The following RREB1 variants were observed in gnomAD, a reference collection of about 807,000 sequenced individuals.
RREB1 encodes ras-responsive element-binding protein 1.
Under a neutral mutation model 117.8 loss-of-function variants are expected in RREB1, and 27 were observed. That is an observed-to-expected ratio of 0.23 (90% CI 0.17 to 0.32). The LOEUF (loss-of-function observed/expected upper bound fraction) is 0.32, where lower values mean the gene tolerates loss of function less well. Ranked by LOEUF, RREB1 falls within the 10% of genes least tolerant of loss-of-function variation. The pLI is 1.00. For missense variants in RREB1, 2,577 were observed against 2,378.2 expected (o/e 1.08, Z -1.74); for synonymous variants, 1,298 against 1,026.7 (o/e 1.26, Z -5.05).
chr6:7,133,140 G>A (rs933744502), intron 1 of RREB1, among the ~76,000 whole-genome samples: 1 of 152,154 alleles, frequency 6.6e-6, no homozygotes, highest in African/African-American at 2.4e-5. Flanking sequence ...CCTCAGGGAA[G>A]CATGGTTCGT....
chr6:7,173,200 C>T (rs1764310293), intron 1 of RREB1, among the ~76,000 whole-genome samples: 1 of 152,210 alleles, frequency 6.6e-6, no homozygotes, highest in African/African-American at 2.4e-5. Flanking sequence ...CTACCATCAT[C>T]CTAGGCATCT....
At chr6:7,140,492 T>A (rs1171159689) in intron 1 of RREB1, among the ~76,000 whole-genome samples, 1 of 152,260 alleles carries the variant, frequency 6.6e-6, no homozygotes. Context: ...AGATATAGAA[T>A]AAACGTGTTT....
chr6:7,136,887 G>A (rs556992977), intron 1 of RREB1, among the ~76,000 whole-genome samples: 2 of 152,276 alleles, frequency 1.3e-5, no homozygotes, highest in South Asian at 4.1e-4. Flanking sequence ...GGTATGCATA[G>A]GTTCATATCC....
At chr6:7,239,004 G>C (rs1432245041) in intron 10 of RREB1, among the ~76,000 whole-genome samples, 1 of 152,216 alleles carries the variant, frequency 6.6e-6, no homozygotes, top group Non-Finnish European at 1.5e-5. Context: ...GACACAGCCA[G>C]TGCCGGTTAA....
Position 7,161,051 on chromosome 6 carries a change from G to A in RREB1, c.-284-15604G>A, listed in dbSNP as rs998183955. 2.0e-5 allele frequency among the ~76,000 whole-genome samples: 3 copies of A among 152,016 alleles called. No individual in the cohort carries two copies. In the South Asian group the frequency reaches 6.2e-4, roughly 32 times the overall value. ...TCGCCATGTTGCCCAGGCTGATCTC[G>A]AACTCTAGGGCCAAACCGATCCTCT... On this transcript the variant is annotated intron_variant, in intron 1 of 12. Coordinates refer to ENST00000379938, the MANE Select transcript of RREB1 (RefSeq NM_001003699.4).
chr6:7,247,310 C>G (rs770944911), intron 12 of RREB1, 89 bp downstream of exon 12: 36 of 1,200,956 alleles, frequency 3.0e-5, no homozygotes, highest in Non-Finnish European at 3.8e-5. Context: ...GCGCTGGAGG[C>G]CACCGAGAGA....
chr6:7,194,653 A>G (rs548149783), intron 6 of RREB1, among the ~76,000 whole-genome samples: 113 of 152,202 alleles, frequency 7.4e-4, no homozygotes, highest in Admixed American at 1.2e-3. Flanking sequence ...CTAAGTTCTA[A>G]TCTTAGTTCT....
rs537508924 is a variant in RREB1, at chr6:7,171,610, A to G, written c.-284-5045A>G. On this transcript the variant is annotated intron_variant, in intron 1 of 12. Coordinates refer to ENST00000379938, the MANE Select transcript of RREB1 (RefSeq NM_001003699.4). ...TCTTTATGGCTGTACACTGGGAACA[A>G]TCCTCATGGTTGTTGTTTTGAGGAT... Among the ~76,000 whole-genome samples, 12 of 152,336 alleles carry G rather than the reference A, an allele frequency of 7.9e-5. No individual in the cohort carries two copies. The East Asian group carries it at 1.5e-3, about 20-fold the overall frequency.
intron 6 of RREB1, among the ~76,000 whole-genome samples, chr6:7,192,580 G>A (rs1248764775): frequency 6.6e-6 from 1 of 152,098 alleles, no homozygotes; most frequent in Non-Finnish European, 1.5e-5. Flanking sequence ...TAATTGGTTG[G>A]CATACAATAA....
chr6:7,177,830 C>G (rs758546808), intron 2 of RREB1, among the ~76,000 whole-genome samples: 3 of 152,160 alleles, frequency 2.0e-5, no homozygotes, highest in Non-Finnish European at 4.4e-5. Flanking sequence ...TCAAGCGATT[C>G]TCCTATTTCA....
intron 10 of RREB1, among the ~76,000 whole-genome samples, chr6:7,237,748 G>A (rs1466622492): frequency 2.0e-5 from 3 of 152,174 alleles, no homozygotes; most frequent in Non-Finnish European, 2.9e-5. Context: ...AAACGGGCCC[G>A]TTTTCCTGCA....
chr6:7,229,963 G>T lies in RREB1; in HGVS notation c.1864G>T (p.Glu622Ter). 6.2e-7 allele frequency: 1 copy of T among 1,603,868 alleles called. No individual in the cohort carries two copies. The highest frequency in any genetic ancestry group is 8.5e-7 in the Non-Finnish European group (1 of 1,172,862). ...GATCAAGCAGGAGATCACAGAGGGG[G>T]AACTCAAGGCCTTCATGACAGCGCC... is the stretch of plus-strand genomic sequence containing the variant. ...AKIKQEITEG[E>*]LKAFMTAPGG... The change falls in exon 10 of 13, where the codon GAA becomes TAA. Residue 622 changes from glutamate (E) to a stop codon, truncating the protein, a stop_gained. Coordinates refer to ENST00000379938, the MANE Select transcript of RREB1 (RefSeq NM_001003699.4). LOFTEE classifies it high-confidence loss of function. The surrounding 1 kb of genome is among the most constrained non-coding windows in gnomAD (Gnocchi z 4.5).
At chr6:7,199,974 G>A (rs1414902060) in intron 6 of RREB1, among the ~76,000 whole-genome samples, 1 of 152,188 alleles carries the variant, frequency 6.6e-6, no homozygotes, top group African/African-American at 2.4e-5. Flanking sequence ...GTAGGCAAGT[G>A]TGATCTGTCA....
chr6:7,150,993 G>T (rs946404871), intron 1 of RREB1, among the ~76,000 whole-genome samples: 2 of 152,212 alleles, frequency 1.3e-5, no homozygotes, highest in African/African-American at 4.8e-5. Context: ...CAGCCTCCAT[G>T]CATCAGTCAT....
intron 1 of RREB1, among the ~76,000 whole-genome samples, chr6:7,163,804 T>C (rs1763789122): frequency 6.6e-6 from 1 of 152,218 alleles, no homozygotes; most frequent in South Asian, 2.1e-4. Context: ...TAATGAAGCA[T>C]CTTCAAGGAC....
At position 7,251,946 on chromosome 6, in the gene RREB1, A is replaced by T. The variant is rs1769425927; in HGVS notation, c.*2978A>T. 6.6e-6 allele frequency: 1 copy of T among 152,224 alleles called. No homozygotes were observed. The highest frequency in any genetic ancestry group is 2.1e-4 in the South Asian group (1 of 4,832). The allele number at this position is 152,224 out of a possible 1,614,324, so 9.4% of individuals were successfully genotyped here. The stretch of plus-strand genomic sequence containing the variant: ...GAAGAAAGCTGTTCTGTATCAAACC[A>T]TTTAAGCAATAAATGTTATATTTTA... On this transcript the variant is annotated 3_prime_UTR_variant, in exon 13 of 13. Coordinates refer to ENST00000379938, the MANE Select transcript of RREB1 (RefSeq NM_001003699.4).
chr6:7,246,409 G>A lies in RREB1; in HGVS notation c.3974-15G>A. 7.5e-6 allele frequency: 11 copies of A among 1,467,690 alleles called. No homozygotes were observed. The highest frequency in any genetic ancestry group is 9.9e-6 in the Non-Finnish European group (11 of 1,107,278). 90.9% of individuals were successfully genotyped at this position (1,467,690 alleles called of 1,614,324 possible). A position where few individuals can be genotyped will look rare whatever the true frequency, so the allele number is the denominator to read the frequency against. ...GGTGCCCCTCTGAGCCCTCCCCGCT[G>A]TGCTTGCCCCACAGACAGTCAGTCG... On this transcript the variant is annotated splice_polypyrimidine_tract_variant and intron_variant, in intron 11 of 12. Transcript: ENST00000379938.
At chr6:7,237,796 G>T (rs1320977039) in intron 10 of RREB1, among the ~76,000 whole-genome samples, 2 of 152,208 alleles carry the variant, frequency 1.3e-5, no homozygotes, top group African/African-American at 4.8e-5. Flanking sequence ...ATGTAAAAAT[G>T]TCAGACTTAC....
chr6:7,207,817 T>C (rs1435773032), intron 6 of RREB1, among the ~76,000 whole-genome samples: 1 of 152,250 alleles, frequency 6.6e-6, no homozygotes, highest in Admixed American at 6.5e-5. Context: ...TTTGAAGAGC[T>C]GCCACGCAGA....
Sources: gnomAD v4.1 joint callset for allele counts (sites outside exome capture counted in the v4.1 genomes callset) on GRCh38, gnomAD v4.1.1 for gene constraint, Gnocchi (gnomAD v3.1) non-coding constraint, MANE v1.5 for transcripts, NCBI Gene and HGNC (gene_info 2026-07-23, HGNC 2026-07-21) for gene names.